Variants in TMEM181 observed in about 807,000 individuals in gnomAD.
TMEM181 encodes transmembrane protein 181, also known as G protein-coupled receptor 178.
In TMEM181, 39 loss-of-function variants were observed where a neutral mutation model predicts 71.9. The ratio of observed to expected loss-of-function variants is 0.54; its 90% confidence interval spans 0.42 to 0.71. TMEM181 has a LOEUF of 0.71. Among genes scored for constraint, TMEM181 ranks in the 30% least tolerant of loss-of-function variants. TMEM181 has a pLI of 0.00. For synonymous variants in TMEM181, 245 were observed against 228.8 expected, an observed-to-expected ratio of 1.07 and a Z score of -0.64; for missense variants, 595 against 583.0, an observed-to-expected ratio of 1.02 and a Z score of -0.21.
chr6:158,560,240 C>T lies in TMEM181; in HGVS notation c.8+8C>T, dbSNP rs1414725992. 2 of 985,072 alleles carry T rather than the reference C, an allele frequency of 2.0e-6. No homozygotes were observed. The highest frequency in any genetic ancestry group is 2.4e-6 in the Non-Finnish European group (2 of 829,816). The allele number at this position is 985,072 out of a possible 1,614,324, so 61.0% of individuals were successfully genotyped here. On this transcript the variant is annotated splice_region_variant and intron_variant, in intron 1 of 16. Transcript: ENST00000684151. ...GGGCGCCGAGATGGAGCCGTGAGTC[C>T]CCGGCCGAGCGGGCGGGCTGGCTGG...
Position 158,580,980 on chromosome 6 carries a change from AAAT to A in TMEM181, c.158_160del (p.Asn53del), listed in dbSNP as rs1024316530. 1.2e-6 allele frequency: 2 copies of A among 1,609,804 alleles called. No homozygotes were observed. The highest frequency in any genetic ancestry group is 4.5e-5 in the East Asian group (2 of 44,816). ...AGACTTCTGCGGCTAATTTTTCACT[AAAT>A]AATAGCAAAAAGGTAAGACTGGGTC... On this transcript the variant is annotated inframe_deletion, in exon 3 of 17. Transcript: ENST00000684151.
At chr6:158,563,877 G>C (rs1474649726) in intron 1 of TMEM181, among the ~76,000 whole-genome samples, 2 of 151,938 alleles carry the variant, frequency 1.3e-5, no homozygotes, top group South Asian at 2.1e-4. Flanking sequence ...TGCCTCCCAG[G>C]TTCAAGCAAT....
intron 8 of TMEM181, among the ~76,000 whole-genome samples, chr6:158,607,938 A>G (rs539683659): frequency 6.6e-6 from 1 of 152,348 alleles, no homozygotes; most frequent in African/African-American, 2.4e-5. Flanking sequence ...TCCTGCTCCA[A>G]AAGTGTTTGC....
chr6:158,605,130 A>ATGTGTGTGTGTGTGTGTG (rs1562302773), intron 6 of TMEM181, 137 bp from the exon 7 acceptor site: 1 of 206,012 alleles, frequency 4.9e-6, no homozygotes, highest in African/African-American at 4.4e-5. Context: ...AAAAAAAAAA[A>ATGTGTGTGTGTGTGTGTG]AGTGTGTGTG....
chr6:158,584,906 A>T (rs539377040), intron 4 of TMEM181, among the ~76,000 whole-genome samples: 64 of 152,232 alleles, frequency 4.2e-4, no homozygotes, highest in African/African-American at 1.3e-3. Flanking sequence ...TGATTTTTTT[A>T]AAATGAGAAT....
chr6:158,584,404 G>A (rs557723554), intron 4 of TMEM181, among the ~76,000 whole-genome samples: 47 of 152,272 alleles, frequency 3.1e-4, no homozygotes, highest in South Asian at 4.1e-4. Context: ...AGACAATTTC[G>A]TCACACACGG....
chr6:158,624,085 T>G (rs1049957368), intron 11 of TMEM181, among the ~76,000 whole-genome samples: 1 of 152,206 alleles, frequency 6.6e-6, no homozygotes, highest in Non-Finnish European at 1.5e-5. Flanking sequence ...AAACAATGTT[T>G]TTACTCCCAG....
chr6:158,617,741 T>C (rs901250381), intron 10 of TMEM181, among the ~76,000 whole-genome samples: 19 of 151,860 alleles, frequency 1.3e-4, no homozygotes, highest in Non-Finnish European at 2.5e-4. Flanking sequence ...ATTTACCCAG[T>C]AGTCATTCAG....
At chr6:158,621,140 G>A (rs948573885) in intron 10 of TMEM181, among the ~76,000 whole-genome samples, 5 of 152,140 alleles carry the variant, frequency 3.3e-5, no homozygotes, top group African/African-American at 1.2e-4. Context: ...AAAGGGAAAC[G>A]AATGTGCTTA....
At chr6:158,577,061 C>CAAAAAA (rs5881280) in intron 2 of TMEM181, among the ~76,000 whole-genome samples, 1 of 76,034 alleles carries the variant, frequency 1.3e-5, no homozygotes, top group Non-Finnish European at 2.7e-5. Context: ...GACTCCATCT[C>CAAAAAA]AAAAAAAAAA....
At chr6:158,627,635 G>T (rs980476452) in intron 13 of TMEM181, among the ~76,000 whole-genome samples, 3 of 152,184 alleles carry the variant, frequency 2.0e-5, no homozygotes, top group Non-Finnish European at 4.4e-5. Flanking sequence ...GTGGGCGTCA[G>T]CATGGCGAGG....
At chr6:158,575,967 C>G (rs902378094) in intron 2 of TMEM181, among the ~76,000 whole-genome samples, 1 of 152,148 alleles carries the variant, frequency 6.6e-6, no homozygotes, top group African/African-American at 2.4e-5. Context: ...CACGGTGTTT[C>G]CTTTGACTAC....
At position 158,632,209 on chromosome 6, in the gene TMEM181, T is replaced by C. The variant is rs1185297750; in HGVS notation, c.*321T>C. 2 of 296,676 alleles carry C rather than the reference T, an allele frequency of 6.7e-6. No homozygotes were observed. The highest frequency in any genetic ancestry group is 1.4e-4 in the East Asian group (2 of 13,802). The allele number at this position is 296,676 out of a possible 1,614,324, so 18.4% of individuals were successfully genotyped here. ...GTACAGTGAATTATGTACTTTTTTT[T>C]CCTGTAATCATTCACTGATTCCAAG... On this transcript the variant is annotated 3_prime_UTR_variant, in exon 17 of 17. Transcript: ENST00000684151.
intron 1 of TMEM181, among the ~76,000 whole-genome samples, chr6:158,539,519 T>C (rs1271354815): frequency 6.6e-6 from 1 of 152,174 alleles, no homozygotes; most frequent in Non-Finnish European, 1.5e-5. Context: ...ACCAGCTCTT[T>C]CCCCTGGAGG....
At chr6:158,598,662 CATTTTT>C (rs1784511867) in intron 6 of TMEM181, among the ~76,000 whole-genome samples, 1 of 149,596 alleles carries the variant, frequency 6.7e-6, no homozygotes, top group African/African-American at 2.5e-5. Context: ...TTTTCATTTT[CATTTTT>C]ATTTTATTTA....
chr6:158,627,418 G>C (rs1320182762), intron 13 of TMEM181, among the ~76,000 whole-genome samples: 2 of 152,242 alleles, frequency 1.3e-5, no homozygotes, highest in African/African-American at 4.8e-5. Flanking sequence ...AGAGACGAGT[G>C]GCAAACAACT....
In TMEM181 at chr6:158,571,551, G is replaced by A. The variant is rs1782846690; in HGVS notation, c.9-1869G>A. Among the ~76,000 whole-genome samples, 2 of 151,336 alleles carry A rather than the reference G, an allele frequency of 1.3e-5. 1 individual carries two copies. Among genetic ancestry groups the A allele is most frequent in the South Asian group, 4.2e-4 (2 of 4,798 alleles). ...CTGACCTCGTGATCCGCCCGCCTTGGCCTCCCAAAGTGCTGGGATTATAGG... is the reference window on the plus strand; with the variant it reads ...CTGACCTCGTGATCCGCCCGCCTTGACCTCCCAAAGTGCTGGGATTATAGG... On this transcript the variant is annotated intron_variant, in intron 1 of 16. Transcript: ENST00000684151.
At chr6:158,595,023 G>T (rs1784314943) in intron 6 of TMEM181, among the ~76,000 whole-genome samples, 1 of 152,162 alleles carries the variant, frequency 6.6e-6, no homozygotes, top group South Asian at 2.1e-4. Flanking sequence ...AGCAAAAACA[G>T]AATTTCTTTG....
intron 6 of TMEM181, among the ~76,000 whole-genome samples, chr6:158,590,996 G>T (rs1784081935): frequency 6.6e-6 from 1 of 152,208 alleles, no homozygotes; most frequent in Non-Finnish European, 1.5e-5. Flanking sequence ...TTAGCGTGAT[G>T]TCTCAAGGTC....
Sources: gnomAD v4.1 joint callset for allele counts (sites outside exome capture counted in the v4.1 genomes callset) on GRCh38, gnomAD v4.1.1 for gene constraint, MANE v1.5 for transcripts, NCBI Gene and HGNC (gene_info 2026-07-23, HGNC 2026-07-21) for gene names.